Variants in GALNT15 observed in about 807,000 individuals in gnomAD.
GALNT15 encodes the protein UDP-GalNAc transferase T15.
In GALNT15, 67 loss-of-function variants were observed where a neutral mutation model predicts 66.8. The ratio of observed to expected loss-of-function variants is 1.00; its 90% CI spans 0.82 to 1.23. The LOEUF is 1.23. Among genes scored for constraint, GALNT15 ranks in the 50% most tolerant of loss-of-function variants. The probability of loss-of-function intolerance (pLI) is 0.00; values close to 1 mark genes in which losing one functional copy is unlikely to be tolerated. For synonymous variants in GALNT15, 313 were observed against 311.5 expected, an observed-to-expected ratio of 1.00 and a Z score of -0.05; for missense variants, 827 against 804.3, an observed-to-expected ratio of 1.03 and a Z score of -0.34.
In GALNT15 at chr3:16,212,651, C is replaced by A; in HGVS notation, c.1280C>A (p.Pro427His). Residue 427 changes from proline to histidine, a missense_variant, in exon 6 of 10, where the codon CCC becomes CAC. Physicochemically the swap from Pro to His is moderately conservative, Grantham distance 77 (BLOSUM62 -2). Coordinates refer to ENST00000339732, the MANE Select transcript of GALNT15 (RefSeq NM_054110.5). ...HIYQNQDSHS[P>H]LDQEATLRNR... is the part of the protein sequence containing the mutation. The stretch of plus-strand genomic sequence containing the variant: ...TACCAAAATCAGGATTCCCATTCCC[C>A]CCTCGACCAGGAGGCCACCCTGAGG... The A allele has an allele frequency of 6.2e-7, 1 of 1,613,964 alleles. No individual in the cohort carries two copies.
intron 1 of GALNT15, among the ~76,000 whole-genome samples, chr3:16,177,737 G>A (rs557581345): frequency 7.9e-5 from 12 of 152,196 alleles, no homozygotes; most frequent in South Asian, 2.1e-4. Context: ...ATATGTTCAC[G>A]TGGTGCATGT....
rs375758395 is a variant in GALNT15 at position 16,200,862 on chromosome 3, C to T, written c.911+39C>T. The T allele has an allele frequency of 6.4e-5, 97 of 1,507,800 alleles. No homozygotes were observed. Among genetic ancestry groups the T allele is most frequent in the Non-Finnish European group, 8.7e-5 (96 of 1,109,322 alleles). The allele number at this position is 1,507,800 out of a possible 1,614,324, so 93.4% of individuals were successfully genotyped here. On this transcript the variant is annotated intron_variant, in intron 3 of 9. Coordinates refer to ENST00000339732, the MANE Select transcript of GALNT15 (RefSeq NM_054110.5). The surrounding 1 kb of genome is among the most constrained non-coding windows in gnomAD (Gnocchi z 4.4). ...TGGGCTTGCAAAGCAAGACATGGAACTGGGAGAAACAGTCTACAGCATCAG... is the reference window on the plus strand; with the variant it reads ...TGGGCTTGCAAAGCAAGACATGGAATTGGGAGAAACAGTCTACAGCATCAG...
rs972117744 is a variant in GALNT15, at chr3:16,228,810, T to C, written c.*1310T>C. On this transcript the variant is annotated 3_prime_UTR_variant, in exon 10 of 10. Coordinates refer to ENST00000339732, the MANE Select transcript of GALNT15 (RefSeq NM_054110.5). ...GGTAACATTTGGGTGTTAATGTCCA[T>C]GAGAGCTGACAGGGCCATCTCTGAG... is the stretch of plus-strand genomic sequence containing the variant. 1 of 985,312 alleles carries C rather than the reference T, an allele frequency of 1.0e-6. No individual in the cohort carries two copies. The highest frequency in any genetic ancestry group is 1.7e-5 in the African/African-American group (1 of 57,236). The allele number at this position is 985,312 out of a possible 1,614,324, so 61.0% of individuals were successfully genotyped here.
Position 16,200,825 on chromosome 3 carries a change from T to A in GALNT15, c.911+2T>A. On this transcript the variant is annotated splice_donor_variant, in intron 3 of 9. Coordinates refer to ENST00000339732, the MANE Select transcript of GALNT15 (RefSeq NM_054110.5). LOFTEE classifies it high-confidence loss of function. The surrounding 1 kb of genome is among the most constrained non-coding windows in gnomAD (Gnocchi z 4.4). ...CCTCAGCAGAATAGCTGGTGACAGGTAACTTATTCCCTGGGCTTGCAAAGC... is the reference window on the plus strand; with the variant it reads ...CCTCAGCAGAATAGCTGGTGACAGGAAACTTATTCCCTGGGCTTGCAAAGC... 6.3e-7 allele frequency: 1 copy of A among 1,598,372 alleles called. No homozygotes were observed. The highest frequency in any genetic ancestry group is 8.5e-7 in the Non-Finnish European group (1 of 1,173,140).
At chr3:16,237,003 T>C in the GALNT15 span, among the ~76,000 whole-genome samples, 4 of 152,228 alleles carry the variant, frequency 2.6e-5, no homozygotes, top group African/African-American at 9.6e-5. The surrounding 1 kb of genome is among the most constrained non-coding windows in gnomAD (Gnocchi z 4.2). Context: ...CTAGTTTTTA[T>C]CTTACTGTGG....
chr3:16,203,499 T>C lies in GALNT15; in HGVS notation c.911+2676T>C, dbSNP rs189558409. Among the ~76,000 whole-genome samples, 1 of 151,492 alleles carries C rather than the reference T, an allele frequency of 6.6e-6. No individual in the cohort carries two copies. The highest frequency in any genetic ancestry group is 1.9e-4 in the East Asian group (1 of 5,140). Reference sequence around the variant, plus strand: ...CTACCTCTCTCACGGTCTTTGTCTCTCTCTGTCTCTTGGTCACTCATTCTC... The same window carrying C: ...CTACCTCTCTCACGGTCTTTGTCTCCCTCTGTCTCTTGGTCACTCATTCTC... On this transcript the variant is annotated intron_variant, in intron 3 of 9. Coordinates refer to ENST00000339732, the MANE Select transcript of GALNT15 (RefSeq NM_054110.5). The surrounding 1 kb of genome is among the most constrained non-coding windows in gnomAD (Gnocchi z 6.2).
chr3:16,232,025 T>A (rs1323431660), downstream of GALNT15: 1 of 1,346,834 alleles, frequency 7.4e-7, no homozygotes, highest in Non-Finnish European at 9.8e-7. Flanking sequence ...CTTGCCCAGA[T>A]GCACCAATGC....
downstream of GALNT15, among the ~76,000 whole-genome samples, chr3:16,235,678 C>T (rs1172061052): frequency 6.6e-6 from 1 of 152,144 alleles, no homozygotes; most frequent in Non-Finnish European, 1.5e-5. Flanking sequence ...TCCATCACCC[C>T]AGACTTTTAG....
rs374059792 is a variant in GALNT15, at chr3:16,211,325, G to A, written c.1197+84G>A. 1 of 874,000 alleles carries A rather than the reference G, an allele frequency of 1.1e-6. No individual in the cohort carries two copies. The highest frequency in any genetic ancestry group is 1.6e-5 in the African/African-American group (1 of 60,684). 54.1% of individuals were successfully genotyped at this position (874,000 alleles called of 1,614,324 possible). On this transcript the variant is annotated intron_variant, in intron 5 of 9. Coordinates refer to ENST00000339732, the MANE Select transcript of GALNT15 (RefSeq NM_054110.5). This position sits in a 1 kb window ranked among gnomAD's most constrained non-coding sequence, Gnocchi z 4.3. Reference sequence around the variant, plus strand: ...CAGCTCAGAGGCAGGCATTAGAAATGTCACTGGGAAGGAATGAGGCTGTGG... The same window carrying A: ...CAGCTCAGAGGCAGGCATTAGAAATATCACTGGGAAGGAATGAGGCTGTGG...
At chr3:16,213,146 A>G (rs2063834992) in intron 6 of GALNT15, among the ~76,000 whole-genome samples, 1 of 152,128 alleles carries the variant, frequency 6.6e-6, no homozygotes, top group Admixed American at 6.5e-5. Context: ...ACATGAAACA[A>G]ATATTAAATA....
At chr3:16,222,471 C>G (rs2063953116) in intron 8 of GALNT15, 144 bp from the exon 9 acceptor site, 1 of 952,470 alleles carries the variant, frequency 1.0e-6, no homozygotes. Flanking sequence ...TTGGACTTGA[C>G]CATGAGATAT....
chr3:16,233,920 G>A (rs183644437), downstream of GALNT15, among the ~76,000 whole-genome samples: 53 of 152,192 alleles, frequency 3.5e-4, no homozygotes, highest in African/African-American at 1.3e-3. Flanking sequence ...CAATACTGAT[G>A]GGAATATGGC....
Position 16,188,859 on chromosome 3 carries a change from T to A in GALNT15, c.540-6901T>A, listed in dbSNP as rs2063545395. ...CTTAGCACCATTTCCCTCTCTGTCC[T>A]CACTTCCACCTCCCTCCTTGTGTCC... On this transcript the variant is annotated intron_variant, in intron 1 of 9. Coordinates refer to ENST00000339732, the MANE Select transcript of GALNT15 (RefSeq NM_054110.5). This position sits in a 1 kb window ranked among gnomAD's most constrained non-coding sequence, Gnocchi z 4.6. 6.6e-6 allele frequency among the ~76,000 whole-genome samples: 1 copy of A among 152,064 alleles called. No homozygotes were observed. The highest frequency in any genetic ancestry group is 2.4e-5 in the African/African-American group (1 of 41,380).
chr3:16,196,607 C>T (rs993768322), intron 2 of GALNT15, among the ~76,000 whole-genome samples: 4 of 152,204 alleles, frequency 2.6e-5, no homozygotes, highest in Admixed American at 1.3e-4. Flanking sequence ...GCATCGGAAT[C>T]ACCTGGTGCG....
chr3:16,195,886 C>G lies in GALNT15; in HGVS notation c.666C>G (p.Phe222Leu). The G allele has an allele frequency of 5.0e-6, 8 of 1,614,144 alleles. No individual in the cohort carries two copies. The highest frequency in any genetic ancestry group is 1.7e-4 in the Middle Eastern group (1 of 6,058). ...TCCTCGACACAGTGCCCAGGGCCTT[C>G]CTGAAGGAGATCATCCTCGTGGACG... Reference protein sequence around the residue: ...HSILDTVPRAFLKEIILVDDL... With the variant: ...HSILDTVPRALLKEIILVDDL... The change falls in exon 2 of 10, where the codon TTC becomes TTG. Residue 222 changes from phenylalanine (F) to leucine (L), a missense_variant. Physicochemically the swap from Phe to Leu is conservative, Grantham distance 22. Transcript: ENST00000339732. The surrounding 1 kb of genome is among the most constrained non-coding windows in gnomAD (Gnocchi z 4.6).
In GALNT15 at chr3:16,219,505, T is replaced by A. The variant is rs2063917800; in HGVS notation, c.1495T>A (p.Ser499Thr). The change falls in exon 7 of 10, where the codon TCT becomes ACT. Residue 499 changes from serine to threonine, a missense_variant. Ser to Thr is a moderately conservative substitution (Grantham distance 58). Coordinates refer to ENST00000339732, the MANE Select transcript of GALNT15 (RefSeq NM_054110.5). This position sits in a 1 kb window ranked among gnomAD's most constrained non-coding sequence, Gnocchi z 4.3. ...TAATGTCTACCCTGAGCTGTACCCA[T>A]CTGAACCCAGGCCCAGTTTCTCTGG... is the stretch of plus-strand genomic sequence containing the variant. ...LANVYPELYP[S>T]EPRPSFSGKL... 8 of 1,614,144 alleles carry A rather than the reference T, an allele frequency of 5.0e-6. No individual in the cohort carries two copies. The highest frequency in any genetic ancestry group is 3.4e-6 in the Non-Finnish European group (4 of 1,180,032).
intron 1 of GALNT15, among the ~76,000 whole-genome samples, chr3:16,179,634 G>C (rs923799745): frequency 6.6e-6 from 1 of 152,138 alleles, no homozygotes; most frequent in South Asian, 2.1e-4. Context: ...AAAATCCCCT[G>C]CTGAGTGAAA....
chr3:16,232,476 A>AAAT (rs2064093046), downstream of GALNT15, among the ~76,000 whole-genome samples: 1 of 53,728 alleles, frequency 1.9e-5, no homozygotes, highest in Non-Finnish European at 3.5e-5. Context: ...ATAAATATAT[A>AAAT]TATATATATA....
the GALNT15 span, among the ~76,000 whole-genome samples, chr3:16,242,945 G>T: frequency 6.6e-6 from 1 of 152,026 alleles, no homozygotes; most frequent in Non-Finnish European, 1.5e-5. The surrounding 1 kb of genome is among the most constrained non-coding windows in gnomAD (Gnocchi z 5.6). Flanking sequence ...TGAGAGAGAG[G>T]GAAGAGTAAG....
Sources: allele counts gnomAD v4.1 joint callset (sites outside exome capture counted in the v4.1 genomes callset), GRCh38; gene constraint gnomAD v4.1.1; non-coding constraint Gnocchi (gnomAD v3.1); transcripts MANE v1.5; gene names NCBI Gene and HGNC (gene_info 2026-07-23, HGNC 2026-07-21).